Variants in PGBD5 observed in about 807,000 individuals in gnomAD.
PGBD5 encodes piggyBac transposable element-derived protein 5.
PGBD5 carries 14 observed loss-of-function variants against 47.9 expected under a neutral mutation model. That is an observed-to-expected ratio of 0.29 (90% confidence interval 0.19 to 0.46). PGBD5 has a LOEUF of 0.46. PGBD5 is among the 20% of genes least tolerant of loss of function. PGBD5 has a pLI of 1.00. For missense variants in PGBD5, 635 were observed against 716.0 expected (o/e 0.89, Z 1.29); for synonymous variants, 316 against 306.3 (o/e 1.03, Z -0.33).
intron 1 of PGBD5, chr1:230,362,493 TC>T: frequency 8.5e-7 from 1 of 1,180,984 alleles, no homozygotes; most frequent in South Asian, 1.6e-5. Context: ...CTCCTGGGGC[TC>T]CAGCTTCATG....
At chr1:230,406,356 T>C (rs1657298046) in intron 1 of PGBD5, among the ~76,000 whole-genome samples, 1 of 133,182 alleles carries the variant, frequency 7.5e-6, no homozygotes, top group African/African-American at 2.8e-5. Context: ...AAAGTAGAAA[T>C]ATTTAGTTAT....
Position 230,335,834 on chromosome 1 carries a change from C to CGCAG in PGBD5, c.1075+1273_1075+1274insCTGC, listed in dbSNP as rs1667312833. Among the ~76,000 whole-genome samples, 7 of 138,590 alleles carry CGCAG rather than the reference C, an allele frequency of 5.1e-5. 1 individual carries two copies. The highest frequency in any genetic ancestry group is 2.1e-4 in the East Asian group (1 of 4,706). 90.9% of individuals were successfully genotyped at this position (138,590 alleles called of 152,430 possible). On this transcript the variant is annotated intron_variant, in intron 4 of 6. Coordinates refer to ENST00000391860, the MANE Select transcript of PGBD5 (RefSeq NM_001258311.2). ...ACACATACACTGACACAGACATACA[C>CGCAG]ATACACACACAGACACACAGATACA...
At chr1:230,345,018 G>A (rs1405593395) in intron 3 of PGBD5, among the ~76,000 whole-genome samples, 1 of 152,162 alleles carries the variant, frequency 6.6e-6, no homozygotes, top group Non-Finnish European at 1.5e-5. Flanking sequence ...CCCTTGCTGG[G>A]AACGTTGGTC....
At chr1:230,382,681 G>A (rs78693908) in intron 1 of PGBD5, among the ~76,000 whole-genome samples, 4,872 of 152,272 alleles carry the variant, frequency 0.032, 257 homozygotes, top group African/African-American at 0.11. Context: ...ATGAAAACAC[G>A]TGCAAGGTGT....
At chr1:230,366,736 T>C (rs1422368363) in intron 1 of PGBD5, among the ~76,000 whole-genome samples, 4 of 152,108 alleles carry the variant, frequency 2.6e-5, no homozygotes, top group Non-Finnish European at 5.9e-5. Context: ...TGAGGTGGCT[T>C]GCATGGTGCC....
At chr1:230,330,004 TAAAAAC>T (rs1417563194) in intron 5 of PGBD5, among the ~76,000 whole-genome samples, 2 of 151,684 alleles carry the variant, frequency 1.3e-5, no homozygotes, top group Non-Finnish European at 2.9e-5. Flanking sequence ...TAATCACAAA[TAAAAAC>T]AAAAGGAAAT....
At position 230,425,693 on chromosome 1, in the gene PGBD5, G is replaced by A; in HGVS notation, c.236C>T (p.Ala79Val). The change falls in exon 1 of 7, where the codon GCC (alanine) becomes GTC (valine). Residue 79 changes from alanine (A) to valine (V), a missense_variant. Physicochemically the swap from Ala to Val is moderately conservative, Grantham distance 64. Coordinates refer to ENST00000391860, the MANE Select transcript of PGBD5 (RefSeq NM_001258311.2). This position sits in a 1 kb window ranked among gnomAD's most constrained non-coding sequence, Gnocchi z 4.7. ...PPGAAPPPPR[A>V]PDAQEPEEDE... ...CTCCTCCGGCTCCTGTGCGTCCGGG[G>A]CGCGGGGCGGTGGCGGGGCGGCCCC... 2.5e-6 allele frequency: 3 copies of A among 1,216,454 alleles called. No homozygotes were observed. Among genetic ancestry groups the A allele is most frequent in the Non-Finnish European group, 3.1e-6 (3 of 978,224 alleles). The allele number at this position is 1,216,454 out of a possible 1,614,324, so 75.4% of individuals were successfully genotyped here. A position where few individuals can be genotyped will look rare whatever the true frequency, so the allele number is the denominator to read the frequency against.
intron 1 of PGBD5, among the ~76,000 whole-genome samples, chr1:230,370,385 C>T (rs1667910575): frequency 6.6e-6 from 1 of 151,568 alleles, no homozygotes; most frequent in South Asian, 2.1e-4. Flanking sequence ...CAGAGCCCAG[C>T]TCCAGAAGTG....
intron 2 of PGBD5, among the ~76,000 whole-genome samples, chr1:230,356,406 C>T (rs1414898434): frequency 6.6e-6 from 1 of 152,128 alleles, no homozygotes; most frequent in African/African-American, 2.4e-5. Flanking sequence ...TCTGCCAAAC[C>T]CTCATCCAAC....
At chr1:230,413,820 T>TA (rs1657461775) in intron 1 of PGBD5, among the ~76,000 whole-genome samples, 1 of 152,168 alleles carries the variant, frequency 6.6e-6, no homozygotes, top group Non-Finnish European at 1.5e-5. Flanking sequence ...CACCAGGAGT[T>TA]ATGCTGTTTG....
At chr1:230,366,906 ACT>A (rs1667844139) in intron 1 of PGBD5, among the ~76,000 whole-genome samples, 1 of 152,098 alleles carries the variant, frequency 6.6e-6, no homozygotes, top group African/African-American at 2.4e-5. Context: ...TCATTTAGGC[ACT>A]GTGTCTACTT....
At position 230,425,484 on chromosome 1, in the gene PGBD5, G is replaced by C. The variant is rs1177667908; in HGVS notation, c.331+114C>G. On this transcript the variant is annotated intron_variant, in intron 1 of 6. Transcript: ENST00000391860. This position sits in a 1 kb window ranked among gnomAD's most constrained non-coding sequence, Gnocchi z 4.7. ...CTGCAGCCTCATTTGTTTCCGGAGAGACACCCACAAGCCAGCCCACGGAGA... is the reference window on the plus strand; with the variant it reads ...CTGCAGCCTCATTTGTTTCCGGAGACACACCCACAAGCCAGCCCACGGAGA... 22 of 785,626 alleles carry C rather than the reference G, an allele frequency of 2.8e-5. No individual in the cohort carries two copies. Among genetic ancestry groups the C allele is most frequent in the South Asian group, 6.6e-5 (1 of 15,142 alleles). The allele number at this position is 785,626 out of a possible 1,614,324, so 48.7% of individuals were successfully genotyped here. A position where few individuals can be genotyped will look rare whatever the true frequency, so the allele number is the denominator to read the frequency against.
intron 1 of PGBD5, among the ~76,000 whole-genome samples, chr1:230,375,827 T>G (rs1014707869): frequency 2.0e-5 from 3 of 151,796 alleles, no homozygotes; most frequent in African/African-American, 7.2e-5. Flanking sequence ...TTGTTTTGTT[T>G]TGTTTTGTTT....
chr1:230,341,931 G>A (rs1368559249), intron 3 of PGBD5, among the ~76,000 whole-genome samples: 2 of 152,146 alleles, frequency 1.3e-5, no homozygotes, highest in African/African-American at 2.4e-5. Flanking sequence ...AGGCATGCAA[G>A]TTTATTACTA....
At chr1:230,361,131 C>T (rs189410444) in intron 1 of PGBD5, among the ~76,000 whole-genome samples, 238 of 152,300 alleles carry the variant, frequency 1.6e-3, no homozygotes, top group Admixed American at 3.7e-3. Context: ...ACTGAAGTCA[C>T]GGGATGGTCT....
chr1:230,331,206 A>G (rs372952428), intron 5 of PGBD5, among the ~76,000 whole-genome samples: 2 of 152,092 alleles, frequency 1.3e-5, no homozygotes, highest in Non-Finnish European at 2.9e-5. Context: ...TGAGGCCAGG[A>G]GTTTGAGACC....
intron 1 of PGBD5, among the ~76,000 whole-genome samples, chr1:230,408,166 G>C (rs1657337382): frequency 6.6e-6 from 1 of 152,146 alleles, no homozygotes; most frequent in African/African-American, 2.4e-5. Context: ...GACAGCATGA[G>C]AGGTTATTAT....
intron 1 of PGBD5, among the ~76,000 whole-genome samples, chr1:230,389,956 T>C (rs527545452): frequency 8.0e-4 from 122 of 152,252 alleles, no homozygotes; most frequent in Non-Finnish European, 1.6e-3. Context: ...CTCCCTTTTA[T>C]AAAGGAGGAA....
At chr1:230,414,098 G>A (rs1029084975) in intron 1 of PGBD5, among the ~76,000 whole-genome samples, 1 of 152,110 alleles carries the variant, frequency 6.6e-6, no homozygotes, top group East Asian at 1.9e-4. Context: ...TACGAACATT[G>A]GATCACTCTT....
Sources: gnomAD v4.1 joint callset for allele counts (sites outside exome capture counted in the v4.1 genomes callset) on GRCh38, gnomAD v4.1.1 for gene constraint, Gnocchi (gnomAD v3.1) non-coding constraint, MANE v1.5 for transcripts, NCBI Gene and HGNC (gene_info 2026-07-23, HGNC 2026-07-21) for gene names.